The following CDH4 variants were observed in gnomAD, a reference collection of about 807,000 sequenced individuals.
CDH4 encodes the protein cadherin-4.
CDH4 carries 33 observed loss-of-function variants against 86.0 expected under a neutral mutation model. That is an observed-to-expected ratio of 0.38 (90% CI 0.29 to 0.51). CDH4 has a LOEUF of 0.51. Among genes scored for constraint, CDH4 ranks in the 20% least tolerant of loss-of-function variants. The pLI, the probability that CDH4 is intolerant of heterozygous loss-of-function variation, is 0.86. For synonymous variants in CDH4, 555 were observed against 549.4 expected (o/e 1.01, Z -0.14); for missense variants, 1,114 against 1,307.4 (o/e 0.85, Z 2.28).
At chr20:61,610,881 A>G (rs1015908030) in intron 2 of CDH4, among the ~76,000 whole-genome samples, 2 of 152,218 alleles carry the variant, frequency 1.3e-5, no homozygotes, top group African/African-American at 2.4e-5. Context: ...AAGGCTATCA[A>G]GGGCTCCAGA....
chr20:61,574,561 T>C (rs1159900956), intron 2 of CDH4, among the ~76,000 whole-genome samples: 1 of 151,810 alleles, frequency 6.6e-6, no homozygotes, highest in African/African-American at 2.4e-5. Context: ...CTTATTTAAT[T>C]ACAGAGAAAA....
chr20:61,710,120 C>T (rs1030780025), intron 2 of CDH4, among the ~76,000 whole-genome samples: 11 of 152,232 alleles, frequency 7.2e-5, no homozygotes, highest in African/African-American at 2.6e-4. Flanking sequence ...AAAGCCCTGC[C>T]GGGCGGGTCT....
chr20:61,919,601 G>C (rs2054943883), intron 9 of CDH4, among the ~76,000 whole-genome samples: 1 of 152,258 alleles, frequency 6.6e-6, no homozygotes, highest in South Asian at 2.1e-4. Context: ...CTTGGGGAAA[G>C]CTGATTGATT....
chr20:61,593,464 C>T (rs191316166), intron 2 of CDH4, among the ~76,000 whole-genome samples: 217 of 152,364 alleles, frequency 1.4e-3, no homozygotes, highest in African/African-American at 4.9e-3. Context: ...TCCATTCACA[C>T]CAGCAATGCA....
At chr20:61,360,965 G>A (rs1006321933) in intron 2 of CDH4, among the ~76,000 whole-genome samples, 10 of 152,180 alleles carry the variant, frequency 6.6e-5, no homozygotes, top group Admixed American at 2.0e-4. Flanking sequence ...GAGGAGGGTG[G>A]GTGGGAGGCC....
intron 2 of CDH4, among the ~76,000 whole-genome samples, chr20:61,336,062 G>T (rs1317380516): frequency 6.6e-6 from 1 of 152,096 alleles, no homozygotes; most frequent in African/African-American, 2.4e-5. Flanking sequence ...TCGATACTGT[G>T]GGGGAGAAGG....
chr20:61,493,644 G>A (rs911234006), intron 2 of CDH4, among the ~76,000 whole-genome samples: 9 of 152,318 alleles, frequency 5.9e-5, no homozygotes, highest in African/African-American at 2.2e-4. Flanking sequence ...GCTGCACACA[G>A]GGTAGATTCC....
intron 6 of CDH4, among the ~76,000 whole-genome samples, chr20:61,863,027 A>G (rs977466885): frequency 4.6e-5 from 7 of 152,308 alleles, no homozygotes; most frequent in South Asian, 4.1e-4. Flanking sequence ...AGTCGTCTGA[A>G]TATTAAGAAT....
rs10211777 is a variant in CDH4 at position 61,503,853 on chromosome 20, A to T, written c.170-239710A>T. Among the ~76,000 whole-genome samples the T allele has an allele frequency of 6.9e-3, 1,048 of 152,304 alleles. 11 individuals carry two copies. The highest frequency in any genetic ancestry group is 0.024 in the African/African-American group (1,007 of 41,570). On this transcript the variant is annotated intron_variant, in intron 2 of 15. Transcript: ENST00000614565. ...TGGACACAATTTTCTTGTGAATTTC[A>T]TCTGAGGATTGGCATCTGTTCCCAC...
intron 2 of CDH4, among the ~76,000 whole-genome samples, chr20:61,278,519 C>T (rs2084241849): frequency 6.6e-6 from 1 of 152,362 alleles, no homozygotes. Context: ...CATCTGGCTG[C>T]ATGGTGCAGC....
intron 2 of CDH4, among the ~76,000 whole-genome samples, chr20:61,706,416 C>G (rs2087830577): frequency 6.6e-6 from 1 of 152,200 alleles, no homozygotes; most frequent in Admixed American, 6.5e-5. Flanking sequence ...GCCGCAGACC[C>G]CCTTCTCTCA....
intron 2 of CDH4, among the ~76,000 whole-genome samples, chr20:61,531,005 A>G (rs2085947506): frequency 6.6e-6 from 1 of 152,158 alleles, no homozygotes; most frequent in Non-Finnish European, 1.5e-5. Context: ...GGGCCAAGGG[A>G]AAAGCAAGGC....
rs58282586 is a variant in CDH4, at chr20:61,319,887, G to A, written c.169+64950G>A. ...GGAGAATCACTTGAACCTGGGAGGCGAAGGATGCAGTAAGCCGAGATTATG... is the reference window on the plus strand; with the variant it reads ...GGAGAATCACTTGAACCTGGGAGGCAAAGGATGCAGTAAGCCGAGATTATG... On this transcript the variant is annotated intron_variant, in intron 2 of 15. Transcript: ENST00000614565. 3.6e-3 allele frequency among the ~76,000 whole-genome samples: 538 copies of A among 151,470 alleles called. 3 individuals are homozygous for A. Among genetic ancestry groups the A allele is most frequent in the African/African-American group, 0.012 (504 of 41,270 alleles).
intron 4 of CDH4, among the ~76,000 whole-genome samples, chr20:61,805,656 C>T (rs867600520): frequency 1.3e-5 from 2 of 152,222 alleles, no homozygotes; most frequent in Non-Finnish European, 2.9e-5. Context: ...ACCCAACCTA[C>T]CGCATGGCAG....
At chr20:61,551,584 C>T (rs867902156) in intron 2 of CDH4, among the ~76,000 whole-genome samples, 33 of 152,336 alleles carry the variant, frequency 2.2e-4, no homozygotes, top group African/African-American at 6.5e-4. Flanking sequence ...CAGGGAACCA[C>T]GTGACTTCCC....
intron 2 of CDH4, among the ~76,000 whole-genome samples, chr20:61,445,870 A>T (rs1164611757): frequency 6.6e-6 from 1 of 152,152 alleles, no homozygotes; most frequent in Non-Finnish European, 1.5e-5. Context: ...CATCTGAGCT[A>T]GTCCTCCGCG....
chr20:61,588,249 A>G lies in CDH4; in HGVS notation c.170-155314A>G, dbSNP rs941871675. Among the ~76,000 whole-genome samples the G allele has an allele frequency of 2.6e-5, 4 of 152,324 alleles. No homozygotes were observed. The South Asian group carries it at 8.3e-4, about 32-fold the overall frequency. ...ACTGGGGAAAACTCCAGATTTTTAAATTGGTTTCCAAGATGGTTAAACCAA... is the reference window on the plus strand; with the variant it reads ...ACTGGGGAAAACTCCAGATTTTTAAGTTGGTTTCCAAGATGGTTAAACCAA... On this transcript the variant is annotated intron_variant, in intron 2 of 15. Coordinates refer to ENST00000614565, the MANE Select transcript of CDH4 (RefSeq NM_001794.5).
At chr20:61,383,686 GAT>G (rs2084931879) in intron 2 of CDH4, among the ~76,000 whole-genome samples, 1 of 51,324 alleles carries the variant, frequency 1.9e-5, no homozygotes, top group Non-Finnish European at 5.1e-5. Context: ...GAATGTATAT[GAT>G]ATATGATATA....
intron 2 of CDH4, among the ~76,000 whole-genome samples, chr20:61,631,371 A>G (rs1374370265): frequency 1.3e-5 from 2 of 152,222 alleles, no homozygotes; most frequent in African/African-American, 4.8e-5. Context: ...GGCTGGGTGC[A>G]GTGGCTCACA....
Sources: allele counts gnomAD v4.1 joint callset (sites outside exome capture counted in the v4.1 genomes callset), GRCh38; gene constraint gnomAD v4.1.1; transcripts MANE v1.5; gene names NCBI Gene and HGNC (gene_info 2026-07-23, HGNC 2026-07-21).